Variants in MAGI1 observed in about 807,000 individuals in gnomAD.
MAGI1 encodes membrane associated guanylate kinase, WW and PDZ domain containing 1.
A neutral mutation model predicts 139.9 loss-of-function variants in MAGI1; 58 were observed. The ratio of observed to expected loss-of-function variants is 0.41; its 90% confidence interval spans 0.34 to 0.52. MAGI1 has a LOEUF of 0.52. Ranked by LOEUF, MAGI1 falls within the 20% of genes least tolerant of loss-of-function variation. MAGI1 has a pLI of 0.12. For synonymous variants in MAGI1, 812 were observed against 737.9 expected, an observed-to-expected ratio of 1.10 and a Z score of -1.63; for missense variants, 1,874 against 1,901.6, an observed-to-expected ratio of 0.99 and a Z score of 0.27.
chr3:65,934,679 A>C (rs1274782286), intron 1 of MAGI1, among the ~76,000 whole-genome samples: 1 of 148,984 alleles, frequency 6.7e-6, no homozygotes, highest in Non-Finnish European at 1.5e-5. Context: ...ATTTAAGAAA[A>C]AGGCTCCCAA....
intron 1 of MAGI1, among the ~76,000 whole-genome samples, chr3:65,673,997 C>T (rs568224249): frequency 2.0e-5 from 3 of 152,192 alleles, no homozygotes; most frequent in Admixed American, 6.5e-5. Flanking sequence ...CCAGCTACTC[C>T]GGAGGCTGAG....
rs772802263 is a variant in MAGI1 at position 66,009,945 on chromosome 3, G to A, written c.313+28051C>T. 3.7e-4 allele frequency among the ~76,000 whole-genome samples: 56 copies of A among 151,776 alleles called. 2 individuals carry two copies. The highest frequency in any genetic ancestry group is 8.4e-4 in the South Asian group (4 of 4,776). On this transcript the variant is annotated intron_variant, in intron 1 of 22. Coordinates refer to ENST00000402939, the MANE Select transcript of MAGI1 (RefSeq NM_001033057.2). ...ACAAAAATGAGATGGGTATGCTGGTGGGTGCCTGTAATCCCAGTTACTCAG... is the reference window on the plus strand; with the variant it reads ...ACAAAAATGAGATGGGTATGCTGGTAGGTGCCTGTAATCCCAGTTACTCAG...
intron 1 of MAGI1, among the ~76,000 whole-genome samples, chr3:65,808,010 C>CTT (rs138703685): frequency 1.4e-5 from 2 of 143,536 alleles, no homozygotes; most frequent in African/African-American, 2.6e-5. Flanking sequence ...GAGGTCAGGA[C>CTT]TTTTTTTTTT....
At chr3:65,886,178 T>A (rs2060524085) in intron 1 of MAGI1, among the ~76,000 whole-genome samples, 2 of 152,210 alleles carry the variant, frequency 1.3e-5, no homozygotes, top group East Asian at 3.8e-4. Flanking sequence ...TTGCATAGTT[T>A]TATTACCTAA....
intron 2 of MAGI1, among the ~76,000 whole-genome samples, chr3:65,494,635 G>A (rs545468362): frequency 5.9e-5 from 9 of 152,304 alleles, no homozygotes; most frequent in East Asian, 1.9e-4. Flanking sequence ...TAAGGTCAAC[G>A]TTTTCCTATA....
At chr3:65,577,374 G>C (rs2108101572) in intron 2 of MAGI1, among the ~76,000 whole-genome samples, 1 of 152,180 alleles carries the variant, frequency 6.6e-6, no homozygotes, top group Admixed American at 6.5e-5. Flanking sequence ...AGCAGTGCAG[G>C]ACTGAGCCAT....
chr3:66,011,525 G>T (rs1257311057), intron 1 of MAGI1, among the ~76,000 whole-genome samples: 1 of 152,094 alleles, frequency 6.6e-6, no homozygotes, highest in Non-Finnish European at 1.5e-5. Context: ...CAAGACTTGT[G>T]TTGGCTGCAG....
At chr3:65,923,148 A>C (rs941128994) in intron 1 of MAGI1, among the ~76,000 whole-genome samples, 5 of 152,018 alleles carry the variant, frequency 3.3e-5, no homozygotes, top group Non-Finnish European at 7.4e-5. Flanking sequence ...TGTAAGACCT[A>C]TACTTGCTCT....
rs141548297 is a variant in MAGI1 at position 65,431,335 on chromosome 3, G to A, written c.1364-454C>T. 3.9e-4 allele frequency among the ~76,000 whole-genome samples: 59 copies of A among 152,090 alleles called. No individual in the cohort carries two copies. The Middle Eastern group carries it at 0.01, about 26-fold the overall frequency. On this transcript the variant is annotated intron_variant, in intron 10 of 22. Coordinates refer to ENST00000402939, the MANE Select transcript of MAGI1 (RefSeq NM_001033057.2). ...GAAAAACCAACAGAACTAATCAAAC[G>A]GAAAATCCAGGCTGAAAATGCACAG...
At chr3:65,456,862 G>A (rs1949428007) in intron 5 of MAGI1, among the ~76,000 whole-genome samples, 1 of 152,138 alleles carries the variant, frequency 6.6e-6, no homozygotes, top group South Asian at 2.1e-4. Flanking sequence ...CTCTGGTTCT[G>A]CCTTCTGTCC....
At chr3:65,674,578 C>A (rs1340902696) in intron 1 of MAGI1, among the ~76,000 whole-genome samples, 5 of 152,132 alleles carry the variant, frequency 3.3e-5, no homozygotes. Flanking sequence ...AATTCCAAGG[C>A]TTTATGTTCT....
At chr3:65,621,831 T>A in intron 2 of MAGI1, 141 bp downstream of exon 2, 1 of 610,800 alleles carries the variant, frequency 1.6e-6, no homozygotes, top group Non-Finnish European at 2.9e-6. Context: ...GAATTATGAT[T>A]TGCTTGAGTT....
chr3:65,907,286 C>G (rs1002911762), intron 1 of MAGI1, among the ~76,000 whole-genome samples: 1 of 152,072 alleles, frequency 6.6e-6, no homozygotes, highest in Non-Finnish European at 1.5e-5. Flanking sequence ...CCCATGGATC[C>G]TTGAGATAAC....
rs563837846 is a variant in MAGI1, at chr3:65,927,814, G to T, written c.313+110182C>A. ...TTAGGCTCATTCCTAACCTGTCAGG[G>T]ATTGAATCAAGGGAAGGGAGATCCT... On this transcript the variant is annotated intron_variant, in intron 1 of 22. Coordinates refer to ENST00000402939, the MANE Select transcript of MAGI1 (RefSeq NM_001033057.2). Among the ~76,000 whole-genome samples the T allele has an allele frequency of 2.0e-5, 3 of 152,256 alleles. No individual in the cohort carries two copies. In the South Asian group the frequency reaches 6.2e-4, roughly 32 times the overall value.
At position 66,038,005 on chromosome 3, in the gene MAGI1, C is replaced by T. The variant is rs1250472808; in HGVS notation, c.304G>A (p.Val102Ile). The change falls in exon 1 of 23, where the codon GTC (valine) becomes ATC (isoleucine). Residue 102 changes from valine (V) to isoleucine (I), a missense_variant. Val to Ile is a conservative substitution (Grantham distance 29). Coordinates refer to ENST00000402939, the MANE Select transcript of MAGI1 (RefSeq NM_001033057.2). ...SCKEAVTFKA[V>I]RQGGRLNKDL... ...GCGCGCCCTGCCTTACCTTGTCTGACGGCCTTGAAGGTGACGGCCTCCTTG... is the reference window on the plus strand; with the variant it reads ...GCGCGCCCTGCCTTACCTTGTCTGATGGCCTTGAAGGTGACGGCCTCCTTG... 1.3e-6 allele frequency: 2 copies of T among 1,578,078 alleles called. No individual in the cohort carries two copies. The highest frequency in any genetic ancestry group is 1.3e-5 in the African/African-American group (1 of 74,258).
chr3:65,986,284 T>A (rs1014858772), intron 1 of MAGI1, among the ~76,000 whole-genome samples: 1 of 152,200 alleles, frequency 6.6e-6, no homozygotes, highest in Admixed American at 6.5e-5. Flanking sequence ...AAAAAAAAGA[T>A]TGTCTTATCT....
At chr3:65,503,211 A>G (rs1274590334) in intron 2 of MAGI1, among the ~76,000 whole-genome samples, 1 of 152,224 alleles carries the variant, frequency 6.6e-6, no homozygotes, top group African/African-American at 2.4e-5. Flanking sequence ...AAAGCAGCTA[A>G]AAGAGACTTG....
chr3:65,775,172 G>T (rs76089771), intron 1 of MAGI1, among the ~76,000 whole-genome samples: 5 of 151,972 alleles, frequency 3.3e-5, no homozygotes, highest in African/African-American at 1.2e-4. Flanking sequence ...CAGGCTGGGC[G>T]TGGTGACTCC....
intron 3 of MAGI1, among the ~76,000 whole-genome samples, chr3:65,481,061 C>T (rs376915356): frequency 5.3e-5 from 8 of 152,124 alleles, no homozygotes; most frequent in East Asian, 1.9e-4. Context: ...AAGAGCATCA[C>T]GTTCAAATTT....
Sources: allele counts gnomAD v4.1 joint callset (sites outside exome capture counted in the v4.1 genomes callset), GRCh38; gene constraint gnomAD v4.1.1; transcripts MANE v1.5; gene names NCBI Gene and HGNC (gene_info 2026-07-23, HGNC 2026-07-21).